Variants in GALNTL6 observed in about 807,000 individuals in gnomAD.
GALNTL6 encodes polypeptide N-acetylgalactosaminyltransferase like 6, also known as polypeptide N-acetylgalactosaminyltransferase-like 6.
A neutral mutation model predicts 73.7 loss-of-function variants in GALNTL6; 46 were observed. The observed-to-expected ratio is 0.62, with a 90% CI of 0.49 to 0.80. The LOEUF (loss-of-function observed/expected upper bound fraction) is 0.80. GALNTL6 is among the 30% of genes least tolerant of loss of function. The probability of loss-of-function intolerance (pLI) is 0.00; values close to 1 mark genes in which losing one functional copy is unlikely to be tolerated. For synonymous variants in GALNTL6, 259 were observed against 263.7 expected, an observed-to-expected ratio of 0.98 and a Z score of 0.17; for missense variants, 604 against 755.0, an observed-to-expected ratio of 0.80 and a Z score of 2.34.
chr4:172,739,794 A>T (rs1388507644), intron 5 of GALNTL6, among the ~76,000 whole-genome samples: 2 of 152,136 alleles, frequency 1.3e-5, no homozygotes, highest in African/African-American at 4.8e-5. Flanking sequence ...ACATAGAGTC[A>T]TAAGTTATAG....
At chr4:172,110,523 T>C (rs1242554909) in intron 2 of GALNTL6, among the ~76,000 whole-genome samples, 1 of 152,216 alleles carries the variant, frequency 6.6e-6, no homozygotes, top group Non-Finnish European at 1.5e-5. Context: ...GGATGTGCTA[T>C]ATTAGCCAAC....
chr4:172,462,092 G>A (rs1400878259), intron 5 of GALNTL6, among the ~76,000 whole-genome samples: 1 of 152,124 alleles, frequency 6.6e-6, no homozygotes, highest in Non-Finnish European at 1.5e-5. Flanking sequence ...AATGCTTTCA[G>A]GCTCAGAGGA....
chr4:172,280,658 T>C (rs1579328019), intron 3 of GALNTL6, among the ~76,000 whole-genome samples: 2 of 152,192 alleles, frequency 1.3e-5, no homozygotes, highest in East Asian at 3.9e-4. Context: ...TCAAAATACT[T>C]TATAATCAAT....
intron 5 of GALNTL6, among the ~76,000 whole-genome samples, chr4:172,455,494 TG>T (rs1485506215): frequency 6.6e-6 from 1 of 152,184 alleles, no homozygotes; most frequent in African/African-American, 2.4e-5. Flanking sequence ...CAGCCTGAAG[TG>T]ACCTGGGACA....
chr4:171,848,744 T>C (rs888649856), intron 2 of GALNTL6, among the ~76,000 whole-genome samples: 1 of 152,222 alleles, frequency 6.6e-6, no homozygotes, highest in Non-Finnish European at 1.5e-5. Context: ...TTGTCCTTCA[T>C]AGCATTGTAG....
At chr4:172,154,373 C>T (rs1410041362) in intron 2 of GALNTL6, among the ~76,000 whole-genome samples, 1 of 152,058 alleles carries the variant, frequency 6.6e-6, no homozygotes, top group Admixed American at 6.5e-5. Context: ...GCTGGGACTA[C>T]AGGCATGCTC....
chr4:172,877,101 T>A (rs1377314942), intron 7 of GALNTL6, among the ~76,000 whole-genome samples: 1 of 152,306 alleles, frequency 6.6e-6, no homozygotes, highest in Admixed American at 6.5e-5. Flanking sequence ...AGAGGCCAAA[T>A]TGGTAGTCTC....
At chr4:172,879,603 A>G (rs1390059435) in intron 7 of GALNTL6, among the ~76,000 whole-genome samples, 1 of 151,960 alleles carries the variant, frequency 6.6e-6, no homozygotes, top group African/African-American at 2.4e-5. Context: ...GTATTCTTAT[A>G]TTTGTAGTAG....
chr4:172,647,482 C>A (rs556688205), intron 5 of GALNTL6, among the ~76,000 whole-genome samples: 1 of 152,078 alleles, frequency 6.6e-6, no homozygotes, highest in South Asian at 2.1e-4. Flanking sequence ...CCTTTCTCTA[C>A]CCCAGAGTAA....
chr4:172,290,311 C>G (rs907784252), intron 3 of GALNTL6, among the ~76,000 whole-genome samples: 2 of 152,164 alleles, frequency 1.3e-5, no homozygotes, highest in African/African-American at 4.8e-5. Context: ...CATATTTGCT[C>G]TATCTGCATA....
chr4:171,931,213 A>T (rs1738174766), intron 2 of GALNTL6, among the ~76,000 whole-genome samples: 1 of 152,158 alleles, frequency 6.6e-6, no homozygotes, highest in Non-Finnish European at 1.5e-5. Flanking sequence ...ACAGGGCCTC[A>T]TTCTGTTGCC....
intron 5 of GALNTL6, among the ~76,000 whole-genome samples, chr4:172,688,270 G>A (rs1733052794): frequency 6.6e-6 from 1 of 152,188 alleles, no homozygotes; most frequent in African/African-American, 2.4e-5. Context: ...AGTTTGGAAT[G>A]TTTCTTTTAT....
chr4:172,700,837 T>C (rs1733985984), intron 5 of GALNTL6, among the ~76,000 whole-genome samples: 1 of 152,152 alleles, frequency 6.6e-6, no homozygotes, highest in African/African-American at 2.4e-5. Flanking sequence ...ATTTGAGATA[T>C]TATATAGGCT....
At chr4:172,735,485 A>G (rs917087740) in intron 5 of GALNTL6, among the ~76,000 whole-genome samples, 1 of 152,158 alleles carries the variant, frequency 6.6e-6, no homozygotes, top group African/African-American at 2.4e-5. Flanking sequence ...TTGATTTTAT[A>G]GGCTCGTAGG....
intron 5 of GALNTL6, among the ~76,000 whole-genome samples, chr4:172,412,196 A>G (rs1212730938): frequency 6.6e-6 from 1 of 152,046 alleles, no homozygotes. Flanking sequence ...GATTCATGGC[A>G]TCACTCTTGG....
intron 5 of GALNTL6, among the ~76,000 whole-genome samples, chr4:172,501,401 A>G (rs182737408): frequency 6.6e-6 from 1 of 152,292 alleles, no homozygotes; most frequent in East Asian, 1.9e-4. Context: ...TTTTTGCTAG[A>G]CTTATTGTGG....
intron 5 of GALNTL6, among the ~76,000 whole-genome samples, chr4:172,675,493 G>A (rs901437631): frequency 3.9e-5 from 6 of 152,204 alleles, no homozygotes; most frequent in African/African-American, 1.4e-4. Context: ...GGTGGCACTG[G>A]AGGTGGTGTT....
At chr4:172,688,043 T>C (rs544486948) in intron 5 of GALNTL6, among the ~76,000 whole-genome samples, 142 of 152,342 alleles carry the variant, frequency 9.3e-4, no homozygotes, top group Non-Finnish European at 1.6e-3. Flanking sequence ...AAATACTATT[T>C]CCTAGATACC....
At chr4:172,773,083 A>G (rs1738869254) in intron 5 of GALNTL6, among the ~76,000 whole-genome samples, 1 of 152,216 alleles carries the variant, frequency 6.6e-6, no homozygotes, top group Non-Finnish European at 1.5e-5. Flanking sequence ...GTCTATATGG[A>G]CTAGTCACAA....
Sources: gnomAD v4.1 joint callset for allele counts (sites outside exome capture counted in the v4.1 genomes callset) on GRCh38, gnomAD v4.1.1 for gene constraint, MANE v1.5 for transcripts, NCBI Gene and HGNC (gene_info 2026-07-23, HGNC 2026-07-21) for gene names.